ENOX1: variants seen among roughly 807,000 people sequenced by gnomAD.
ENOX1 encodes ecto-NOX disulfide-thiol exchanger 1.
ENOX1 carries 42 observed loss-of-function variants against 82.5 expected under a neutral mutation model. The ratio of observed to expected loss-of-function variants is 0.51; its 90% CI spans 0.40 to 0.66. The LOEUF (loss-of-function observed/expected upper bound fraction) is 0.66, where lower values mean the gene tolerates loss of function less well. Ranked by LOEUF, ENOX1 falls within the 30% of genes least tolerant of loss-of-function variation. The pLI is 0.00. For synonymous variants in ENOX1, 271 were observed against 282.2 expected, an observed-to-expected ratio of 0.96 and a Z score of 0.40; for missense variants, 608 against 811.6, an observed-to-expected ratio of 0.75 and a Z score of 3.05.
At chr13:43,262,915 A>AT (rs2044160538) in intron 14 of ENOX1, among the ~76,000 whole-genome samples, 2 of 152,314 alleles carry the variant, frequency 1.3e-5, no homozygotes, top group South Asian at 4.2e-4. Flanking sequence ...TCTCAGTCAC[A>AT]TGGCTACTCA....
chr13:43,613,096 TA>T (rs2082267407), intron 2 of ENOX1, among the ~76,000 whole-genome samples: 1 of 152,178 alleles, frequency 6.6e-6, no homozygotes, highest in South Asian at 2.1e-4. Context: ...TTATCAATTA[TA>T]AAAAATTTTG....
At chr13:43,402,955 C>T (rs2053580466) in intron 5 of ENOX1, among the ~76,000 whole-genome samples, 1 of 152,058 alleles carries the variant, frequency 6.6e-6, no homozygotes, top group Non-Finnish European at 1.5e-5. Flanking sequence ...GTTAAAGATA[C>T]TGAAGCTTCT....
intron 4 of ENOX1, 119 bp from the exon 5 acceptor site, chr13:43,412,172 A>T (rs2054175198): frequency 8.7e-7 from 1 of 1,145,286 alleles, no homozygotes; most frequent in African/African-American, 1.6e-5. Context: ...ACAAAAAAAA[A>T]ATAAAGAACT....
chr13:43,292,361 G>A (rs1337522680), intron 12 of ENOX1, among the ~76,000 whole-genome samples: 2 of 152,154 alleles, frequency 1.3e-5, no homozygotes, highest in Non-Finnish European at 2.9e-5. Flanking sequence ...CTAGGAAAAA[G>A]ATGATGGGCA....
intron 2 of ENOX1, among the ~76,000 whole-genome samples, chr13:43,552,505 C>T (rs918848621): frequency 6.6e-6 from 1 of 152,108 alleles, no homozygotes; most frequent in African/African-American, 2.4e-5. Flanking sequence ...TAATTTAGCT[C>T]TTCTGGCTAT....
chr13:43,509,322 A>G (rs1013008518), intron 2 of ENOX1, among the ~76,000 whole-genome samples: 14 of 152,062 alleles, frequency 9.2e-5, no homozygotes, highest in African/African-American at 3.4e-4. Flanking sequence ...ACAACAATGG[A>G]TGACTGCTTA....
At chr13:43,616,925 AACAC>A in intron 2 of ENOX1, among the ~76,000 whole-genome samples, 1 of 151,584 alleles carries the variant, frequency 6.6e-6, no homozygotes, top group East Asian at 1.9e-4. Flanking sequence ...AAAACAAGTA[AACAC>A]ACACACACAC....
chr13:43,722,865 A>G (rs2088673512), intron 1 of ENOX1, among the ~76,000 whole-genome samples: 8 of 152,254 alleles, frequency 5.3e-5, no homozygotes, highest in Non-Finnish European at 1.5e-5. Flanking sequence ...TATTTGTTAA[A>G]GACTCCCAAA....
At chr13:43,358,448 C>T (rs180869238) in intron 7 of ENOX1, among the ~76,000 whole-genome samples, 349 of 4,282 alleles carry the variant, frequency 0.082, 4 homozygotes, top group Non-Finnish European at 0.048. Context: ...ATACATGGGG[C>T]GGGGGCGGGG....
chr13:43,493,236 G>C (rs913255384), intron 2 of ENOX1, among the ~76,000 whole-genome samples: 3 of 152,180 alleles, frequency 2.0e-5, no homozygotes, highest in African/African-American at 7.2e-5. Context: ...TATAGAGAGA[G>C]AGATGTATAA....
At chr13:43,483,944 T>C (rs1273134726) in intron 3 of ENOX1, 65 bp downstream of exon 3, 1 of 920,166 alleles carries the variant, frequency 1.1e-6, no homozygotes, top group Non-Finnish European at 1.3e-6. Flanking sequence ...ACAAATATTT[T>C]CCATTAAAAA....
chr13:43,269,385 A>C (rs1254555780), intron 13 of ENOX1, 85 bp downstream of exon 13: 3 of 1,045,652 alleles, frequency 2.9e-6, no homozygotes, highest in East Asian at 4.8e-5. Context: ...ACTTTCAGTA[A>C]ATGTTTGCAC....
chr13:43,287,103 C>T (rs1298489518), intron 12 of ENOX1, among the ~76,000 whole-genome samples: 1 of 152,154 alleles, frequency 6.6e-6, no homozygotes, highest in African/African-American at 2.4e-5. Context: ...AGTCACCTGA[C>T]ACCTCTAGGT....
chr13:43,710,887 G>A (rs1390972017), intron 1 of ENOX1, among the ~76,000 whole-genome samples: 1 of 149,640 alleles, frequency 6.7e-6, no homozygotes, highest in East Asian at 1.9e-4. Flanking sequence ...TTTTTGGTTT[G>A]GCTATCTAGG....
rs2058342923 is a variant in ENOX1 at position 43,477,664 on chromosome 13, T to A, written c.-75+6345A>T. 3.9e-5 allele frequency among the ~76,000 whole-genome samples: 6 copies of A among 152,166 alleles called. No homozygotes were observed. The South Asian group carries it at 1.2e-3, about 31-fold the overall frequency. On this transcript the variant is annotated intron_variant, in intron 3 of 16. Transcript: ENST00000690772. ...TGTAGTTATATTGAGTCCTCCAGCT[T>A]TAAAAGAATGTTTCAACTCATACAC... is the stretch of plus-strand genomic sequence containing the variant.
At chr13:43,758,312 T>C (rs577978488) in intron 1 of ENOX1, among the ~76,000 whole-genome samples, 34 of 152,088 alleles carry the variant, frequency 2.2e-4, no homozygotes, top group Admixed American at 3.9e-4. Flanking sequence ...TGGAACAAAT[T>C]ATAAATACAC....
At chr13:43,691,628 A>G (rs1015734839) in intron 1 of ENOX1, among the ~76,000 whole-genome samples, 1 of 133,092 alleles carries the variant, frequency 7.5e-6, no homozygotes, top group East Asian at 2.2e-4. Flanking sequence ...TAATCACCCC[A>G]CCCTCCCTTG....
chr13:43,261,079 A>G (rs1293884607), intron 14 of ENOX1, among the ~76,000 whole-genome samples: 1 of 152,188 alleles, frequency 6.6e-6, no homozygotes, highest in Non-Finnish European at 1.5e-5. Context: ...ATGCATTCGC[A>G]GATGATCTTG....
intron 5 of ENOX1, among the ~76,000 whole-genome samples, chr13:43,408,404 G>A (rs1423531433): frequency 2.6e-5 from 4 of 151,996 alleles, no homozygotes; most frequent in East Asian, 3.8e-4. Flanking sequence ...AGAAACTTTG[G>A]GAGAAAGCCA....
Sources: allele counts gnomAD v4.1 joint callset (sites outside exome capture counted in the v4.1 genomes callset), GRCh38; gene constraint gnomAD v4.1.1; transcripts MANE v1.5; gene names NCBI Gene and HGNC (gene_info 2026-07-23, HGNC 2026-07-21).